HDAC9: variants seen among roughly 807,000 people sequenced by gnomAD.
The protein encoded by HDAC9 is MEF-2 interacting transcription repressor (MITR) protein.
HDAC9 carries 41 observed loss-of-function variants against 139.4 expected under a neutral mutation model. That is an observed-to-expected ratio of 0.29 (90% CI 0.23 to 0.38). The LOEUF is 0.38. Among genes scored for constraint, HDAC9 ranks in the 10% least tolerant of loss-of-function variants. The pLI, the probability that HDAC9 is intolerant of heterozygous loss-of-function variation, is 1.00. For missense variants in HDAC9, 1,147 were observed against 1,297.0 expected, an observed-to-expected ratio of 0.88 and a Z score of 1.78; for synonymous variants, 517 against 476.2, an observed-to-expected ratio of 1.09 and a Z score of -1.12.
At chr7:18,658,964 T>G (rs576671718) in intron 11 of HDAC9, among the ~76,000 whole-genome samples, 1 of 150,862 alleles carries the variant, frequency 6.6e-6, no homozygotes, top group South Asian at 2.1e-4. Flanking sequence ...GTACAATCTG[T>G]CTTAAAATCT....
At position 18,997,206 on chromosome 7, in the gene HDAC9, C is replaced by T. The variant is rs1313796955; in HGVS notation, c.*1144C>T. ...AATGAATATCACTTAAGCAACGTTGCTAAATTTCTATGTGTTTGAAATGTG... is the reference window on the plus strand; with the variant it reads ...AATGAATATCACTTAAGCAACGTTGTTAAATTTCTATGTGTTTGAAATGTG... On this transcript the variant is annotated 3_prime_UTR_variant, in exon 26 of 26. Transcript: ENST00000686413. 1.3e-5 allele frequency: 2 copies of T among 151,304 alleles called. No homozygotes were observed. Among genetic ancestry groups the T allele is most frequent in the Non-Finnish European group, 1.5e-5 (1 of 67,942 alleles). 9.4% of individuals were successfully genotyped at this position (151,304 alleles called of 1,614,324 possible).
At chr7:18,161,266 A>C (rs949605179) in intron 1 of HDAC9, among the ~76,000 whole-genome samples, 2 of 152,204 alleles carry the variant, frequency 1.3e-5, no homozygotes, top group South Asian at 4.1e-4. Flanking sequence ...GATGTTATAA[A>C]GTTCTTCAAA....
chr7:18,762,219 A>G lies in HDAC9; in HGVS notation c.2106A>G (p.Ser702=). 6.2e-7 allele frequency: 1 copy of G among 1,613,518 alleles called. No individual in the cohort carries two copies. The highest frequency in any genetic ancestry group is 8.5e-7 in the Non-Finnish European group (1 of 1,179,660). Residue 702 remains serine, a synonymous_variant, in exon 15 of 26, where the codon TCA becomes TCG. Coordinates refer to ENST00000686413, the MANE Select transcript of HDAC9 (RefSeq NM_178425.4). ...EIQLVHSEHH[S]LLYGTNPLDG... is the part of the protein sequence containing the mutation. Reference sequence around the variant, plus strand: ...AGCTTGTTCATTCTGAACATCACTCACTGTTGTATGGCACCAACCCCCTGG... The same window carrying G: ...AGCTTGTTCATTCTGAACATCACTCGCTGTTGTATGGCACCAACCCCCTGG...
chr7:18,515,120 T>C (rs1013070883), intron 2 of HDAC9, among the ~76,000 whole-genome samples: 1 of 152,232 alleles, frequency 6.6e-6, no homozygotes, highest in South Asian at 2.1e-4. Context: ...TGGTTATTGG[T>C]TCTAAAGTCA....
chr7:18,459,335 A>G (rs1460357491), intron 1 of HDAC9, among the ~76,000 whole-genome samples: 3 of 152,208 alleles, frequency 2.0e-5, no homozygotes, highest in Middle Eastern at 3.2e-3. Flanking sequence ...GAAGGATACT[A>G]TAGTGGAGTG....
chr7:18,331,577 A>T (rs1363265153), intron 1 of HDAC9, among the ~76,000 whole-genome samples: 1 of 151,618 alleles, frequency 6.6e-6, no homozygotes, highest in Non-Finnish European at 1.5e-5. Flanking sequence ...ATCAACCTCA[A>T]GTTACTCCCA....
intron 12 of HDAC9, among the ~76,000 whole-genome samples, chr7:18,678,339 G>A (rs1781662938): frequency 6.6e-6 from 1 of 151,790 alleles, no homozygotes; most frequent in Non-Finnish European, 1.5e-5. Context: ...TTGGTTCACT[G>A]AGCTTCTTAT....
chr7:18,727,657 A>T lies in HDAC9; in HGVS notation c.1809A>T (p.Leu603Phe). ...TGGCTGCGGTTGGCATGGATGGATT[A>T]GAGAAACACCGTCTCGTCTCCAGGA... ...APLAAVGMDGLEKHRLVSRTH... is the reference protein window; with the variant it reads ...APLAAVGMDGFEKHRLVSRTH... Residue 603 changes from leucine to phenylalanine, a missense_variant, in exon 13 of 26, where the codon TTA (leucine) becomes TTT (phenylalanine). Around this residue, in one of 7 missense-constraint regions of HDAC9, gnomAD observed 256 missense variants for 219.2 expected, o/e 1.17. Transcript: ENST00000686413. 6.3e-7 allele frequency: 1 copy of T among 1,592,326 alleles called. No homozygotes were observed. The highest frequency in any genetic ancestry group is 1.1e-5 in the South Asian group (1 of 87,586).
At chr7:18,973,972 G>A (rs1384010371) in intron 24 of HDAC9, among the ~76,000 whole-genome samples, 1 of 152,134 alleles carries the variant, frequency 6.6e-6, no homozygotes, top group Non-Finnish European at 1.5e-5. Flanking sequence ...ATCATCCTCA[G>A]GTTGAAGTCC....
At chr7:18,573,986 A>T (rs1825170684) in intron 2 of HDAC9, among the ~76,000 whole-genome samples, 1 of 152,186 alleles carries the variant, frequency 6.6e-6, no homozygotes. Flanking sequence ...TAGTCCCACC[A>T]TTTGATGTGT....
chr7:18,336,840 A>C (rs1378762696), intron 1 of HDAC9, among the ~76,000 whole-genome samples: 1 of 151,648 alleles, frequency 6.6e-6, no homozygotes, highest in Non-Finnish European at 1.5e-5. Flanking sequence ...AAACTGTGAC[A>C]TTCTGACAGT....
intron 21 of HDAC9, among the ~76,000 whole-genome samples, chr7:18,864,686 C>A (rs997164508): frequency 1.3e-5 from 2 of 151,436 alleles, no homozygotes; most frequent in Non-Finnish European, 2.9e-5. Context: ...TTGAACCTCC[C>A]AAAATGCTCT....
At position 18,362,359 on chromosome 7, in the gene HDAC9, A is replaced by G. The variant is rs1249663424; in HGVS notation, c.-42+71844A>G. Among the ~76,000 whole-genome samples the G allele has an allele frequency of 2.6e-5, 4 of 152,332 alleles. No individual in the cohort carries two copies. The East Asian group carries it at 5.8e-4, about 22-fold the overall frequency. On this transcript the variant is annotated intron_variant, in intron 1 of 3. Coordinates refer to the HDAC9 transcript ENST00000413509. Reference sequence around the variant, plus strand: ...AGTTATATTTTTCTATTATCTTTGTAGAAGAACTTTGGTTTTTAACAATCA... The same window carrying G: ...AGTTATATTTTTCTATTATCTTTGTGGAAGAACTTTGGTTTTTAACAATCA...
At chr7:18,923,677 T>C (rs1337494079) in intron 22 of HDAC9, among the ~76,000 whole-genome samples, 1 of 151,982 alleles carries the variant, frequency 6.6e-6, no homozygotes, top group East Asian at 1.9e-4. Context: ...ATTATGAAGG[T>C]TTTATAGCAT....
chr7:18,993,840 T>C (rs1424314853), intron 25 of HDAC9, among the ~76,000 whole-genome samples: 2 of 151,816 alleles, frequency 1.3e-5, no homozygotes, highest in Non-Finnish European at 2.9e-5. Context: ...AGAGAGAGAA[T>C]TGGTTAATTA....
At chr7:18,365,587 C>T (rs1046540391) in intron 1 of HDAC9, among the ~76,000 whole-genome samples, 1 of 151,382 alleles carries the variant, frequency 6.6e-6, no homozygotes. Flanking sequence ...AAGGGACTAA[C>T]GAGCAGTAAT....
intron 2 of HDAC9, among the ~76,000 whole-genome samples, chr7:18,165,580 G>A (rs1354589602): frequency 1.3e-5 from 2 of 151,952 alleles, no homozygotes; most frequent in Non-Finnish European, 2.9e-5. Flanking sequence ...TGAGCCCCGG[G>A]GTTCGAGACT....
chr7:18,976,734 A>G (rs1352758144), intron 25 of HDAC9, among the ~76,000 whole-genome samples: 1 of 152,184 alleles, frequency 6.6e-6, no homozygotes, highest in Non-Finnish European at 1.5e-5. Flanking sequence ...AGCCACCATA[A>G]ATGTACATAA....
At chr7:18,380,964 G>A (rs1467317297) in intron 1 of HDAC9, among the ~76,000 whole-genome samples, 5 of 152,052 alleles carry the variant, frequency 3.3e-5, no homozygotes, top group East Asian at 1.9e-4. Context: ...TTGGGAGGAC[G>A]AGGCAGACAG....
Sources: allele counts gnomAD v4.1 joint callset (sites outside exome capture counted in the v4.1 genomes callset), GRCh38; gene constraint gnomAD v4.1.1; regional missense constraint gnomAD v4.1.1; transcripts MANE v1.5; gene names NCBI Gene and HGNC (gene_info 2026-07-23, HGNC 2026-07-21).